Variants in STXBP4 observed in about 807,000 individuals in gnomAD.
STXBP4 encodes syntaxin-binding protein 4.
STXBP4 carries 55 observed loss-of-function variants against 76.1 expected under a neutral mutation model. The ratio of observed to expected loss-of-function variants is 0.72; its 90% CI spans 0.58 to 0.91. The LOEUF is 0.91. STXBP4 is among the 40% of genes least tolerant of loss of function. STXBP4 has a pLI of 0.00. For missense variants in STXBP4, 618 were observed against 636.9 expected (o/e 0.97, Z 0.32); for synonymous variants, 201 against 220.2 (o/e 0.91, Z 0.77).
At chr17:55,094,239 A>G (rs115567470) in intron 16 of STXBP4, among the ~76,000 whole-genome samples, 1,804 of 151,262 alleles carry the variant, frequency 0.012, 32 homozygotes, top group African/African-American at 0.041. Context: ...ATAAGGGTGG[A>G]TATGTAGCAA....
chr17:55,067,971 A>C (rs1054866947), intron 12 of STXBP4, among the ~76,000 whole-genome samples: 8 of 152,158 alleles, frequency 5.3e-5, no homozygotes, highest in Non-Finnish European at 4.4e-5. Context: ...TCTACGAATC[A>C]TATTCTCCCC....
the STXBP4 span, among the ~76,000 whole-genome samples, chr17:55,179,893 G>A: frequency 1.3e-5 from 2 of 152,122 alleles, no homozygotes; most frequent in Non-Finnish European, 2.9e-5. Flanking sequence ...AGTGTGGCGA[G>A]ATTGGCACCC....
chr17:55,086,033 A>G (rs1200741881), intron 16 of STXBP4, among the ~76,000 whole-genome samples: 1 of 152,150 alleles, frequency 6.6e-6, no homozygotes, highest in African/African-American at 2.4e-5. Context: ...GCACAGACAT[A>G]GCCCAGTGAA....
chr17:55,210,498 A>G, the STXBP4 span, among the ~76,000 whole-genome samples: 3 of 152,242 alleles, frequency 2.0e-5, no homozygotes, highest in Non-Finnish European at 4.4e-5. Context: ...GGCCTGTATT[A>G]CTTCTCTTGA....
At chr17:55,017,776 C>T (rs550758605) in intron 8 of STXBP4, among the ~76,000 whole-genome samples, 5 of 152,120 alleles carry the variant, frequency 3.3e-5, no homozygotes, top group African/African-American at 4.8e-5. Context: ...TCTAGGCAGA[C>T]GAATGCTCCC....
At chr17:55,207,676 G>A in the STXBP4 span, among the ~76,000 whole-genome samples, 30 of 152,132 alleles carry the variant, frequency 2.0e-4, no homozygotes, top group African/African-American at 7.2e-4. Flanking sequence ...TAGAATACGG[G>A]GACCCTTATC....
chr17:55,101,939 T>C (rs1420912126), intron 16 of STXBP4, among the ~76,000 whole-genome samples: 1 of 147,962 alleles, frequency 6.8e-6, no homozygotes, highest in East Asian at 2.0e-4. Context: ...GTGTTCTCTA[T>C]CTTTGCATCA....
chr17:55,077,502 A>G (rs567403736), intron 13 of STXBP4, among the ~76,000 whole-genome samples: 2 of 152,202 alleles, frequency 1.3e-5, no homozygotes, highest in Admixed American at 6.5e-5. Flanking sequence ...CAGTTCACCC[A>G]TTGAGTTTCT....
At chr17:55,078,244 C>G in intron 14 of STXBP4, 50 bp downstream of exon 14, 1 of 1,157,718 alleles carries the variant, frequency 8.6e-7, no homozygotes, top group Non-Finnish European at 1.3e-6. Flanking sequence ...ATATAGGCAA[C>G]TGGCATATAG....
At position 55,159,794 on chromosome 17, in the gene STXBP4, A is replaced by G. The variant is rs764598182; in HGVS notation, c.1548-3A>G. 10 of 1,589,188 alleles carry G rather than the reference A, an allele frequency of 6.3e-6. No homozygotes were observed. The South Asian group carries it at 6.6e-5, about 11-fold the overall frequency. On this transcript the variant is annotated splice_region_variant and splice_polypyrimidine_tract_variant and intron_variant, in intron 17 of 17. Transcript: ENST00000376352. Reference sequence around the variant, plus strand: ...TTCTAATTGCATTCTTGTTCTTCTCAAGTCATGTAACACAGACTACATCCT... The same window carrying G: ...TTCTAATTGCATTCTTGTTCTTCTCGAGTCATGTAACACAGACTACATCCT...
chr17:55,047,185 CGTGTGTGT>C (rs34336794), intron 12 of STXBP4, 31 bp downstream of exon 12: 9,608 of 801,530 alleles, frequency 0.012, 56 homozygotes, highest in African/African-American at 0.056. Context: ...TATATGTGCT[CGTGTGTGT>C]GTGTGTGTGT....
intron 1 of STXBP4, among the ~76,000 whole-genome samples, chr17:54,977,760 A>G (rs2077492883): frequency 6.6e-6 from 1 of 152,246 alleles, no homozygotes; most frequent in Non-Finnish European, 1.5e-5. Context: ...CTGCTGTGAT[A>G]AGGTATAAAA....
chr17:55,152,430 C>T (rs774393781), intron 17 of STXBP4, among the ~76,000 whole-genome samples: 8 of 152,162 alleles, frequency 5.3e-5, no homozygotes, highest in Admixed American at 1.3e-4. Context: ...TTATGCATTT[C>T]GTGGTATGTT....
At position 55,103,014 on chromosome 17, in the gene STXBP4, A is replaced by G. The variant is rs563421991; in HGVS notation, c.1489+21831A>G. On this transcript the variant is annotated intron_variant, in intron 16 of 17. Transcript: ENST00000376352. ...GTAAATTTGTTTAAGTTCTTTGTAG[A>G]TTCTGGGTATTAAATGCCCTTCATC... Among the ~76,000 whole-genome samples, 162 of 152,182 alleles carry G rather than the reference A, an allele frequency of 1.1e-3. 1 individual carries two copies. Among genetic ancestry groups the G allele is most frequent in the Non-Finnish European group, 2.0e-3 (135 of 68,000 alleles).
rs151107646 is a variant in STXBP4, at chr17:55,125,619, G to T, written c.1490-15691G>T. The stretch of plus-strand genomic sequence containing the variant: ...TGTTTGTCCTACTTTTAGATTGTTG[G>T]CAGGACCCAGGGCTGGGACTAGGAT... On this transcript the variant is annotated intron_variant, in intron 16 of 17. Transcript: ENST00000376352. Among the ~76,000 whole-genome samples the T allele has an allele frequency of 3.3e-3, 508 of 152,136 alleles. 2 individuals are homozygous for T. The highest frequency in any genetic ancestry group is 0.011 in the African/African-American group (473 of 41,516).
In STXBP4 at chr17:54,986,194, A is replaced by C. The variant is rs774638678; in HGVS notation, c.-26A>C. The C allele has an allele frequency of 6.3e-7, 1 of 1,588,434 alleles. No individual in the cohort carries two copies. The highest frequency in any genetic ancestry group is 8.6e-7 in the Non-Finnish European group (1 of 1,164,764). ...CAAGATCTTCATTTATACAGCTGTTAAATCCAAGGCTACTTTGGTGAAAGC... is the reference window on the plus strand; with the variant it reads ...CAAGATCTTCATTTATACAGCTGTTCAATCCAAGGCTACTTTGGTGAAAGC... On this transcript the variant is annotated 5_prime_UTR_variant, in exon 3 of 18. Coordinates refer to ENST00000376352, the MANE Select transcript of STXBP4 (RefSeq NM_178509.6).
At chr17:55,011,820 T>C (rs1283279474) in intron 8 of STXBP4, among the ~76,000 whole-genome samples, 1 of 152,098 alleles carries the variant, frequency 6.6e-6, no homozygotes, top group Non-Finnish European at 1.5e-5. Context: ...GCCTAGGAAA[T>C]CCAGCTAGTC....
Position 55,133,120 on chromosome 17 carries a change from A to G in STXBP4, c.1490-8190A>G, listed in dbSNP as rs535024344. 4.6e-5 allele frequency among the ~76,000 whole-genome samples: 7 copies of G among 152,316 alleles called. No individual in the cohort carries two copies. The East Asian group carries it at 1.3e-3, about 29-fold the overall frequency. On this transcript the variant is annotated intron_variant, in intron 16 of 17. Coordinates refer to ENST00000376352, the MANE Select transcript of STXBP4 (RefSeq NM_178509.6). ...GTAGACTGTGGCAGGGATACCAGTT[A>G]GAGTGCTATCAGAATAATCTAGGTA...
At chr17:55,013,949 T>C (rs2078158111) in intron 8 of STXBP4, among the ~76,000 whole-genome samples, 1 of 152,102 alleles carries the variant, frequency 6.6e-6, no homozygotes, top group Non-Finnish European at 1.5e-5. Flanking sequence ...CTTCCTCTGG[T>C]ATTTGGGAAA....
Sources: gnomAD v4.1 joint callset for allele counts (sites outside exome capture counted in the v4.1 genomes callset) on GRCh38, gnomAD v4.1.1 for gene constraint, MANE v1.5 for transcripts, NCBI Gene and HGNC (gene_info 2026-07-23, HGNC 2026-07-21) for gene names.